Variants in RNF13 observed in about 807,000 individuals in gnomAD.
RNF13 encodes the protein ring finger protein 13.
A neutral mutation model predicts 37.7 loss-of-function variants in RNF13; 19 were observed. The ratio of observed to expected loss-of-function variants is 0.50; its 90% confidence interval spans 0.35 to 0.74. The LOEUF (loss-of-function observed/expected upper bound fraction) is 0.74. Among genes scored for constraint, RNF13 ranks in the 30% least tolerant of loss-of-function variants. RNF13 has a pLI of 0.01. For synonymous variants in RNF13, 144 were observed against 157.8 expected (o/e 0.91, Z 0.65); for missense variants, 375 against 453.0 (o/e 0.83, Z 1.56).
chr3:149,859,449 A>T (rs1723996355), intron 3 of RNF13, among the ~76,000 whole-genome samples: 1 of 152,170 alleles, frequency 6.6e-6, no homozygotes, highest in African/African-American at 2.4e-5. Context: ...TTAGAAAATA[A>T]TTGTTTCATC....
At chr3:149,947,416 T>G (rs1474817550) in intron 8 of RNF13, among the ~76,000 whole-genome samples, 1 of 152,068 alleles carries the variant, frequency 6.6e-6, no homozygotes, top group Admixed American at 6.5e-5. Flanking sequence ...TCTTTTTTTT[T>G]TTTTTAAAGG....
intron 1 of RNF13, among the ~76,000 whole-genome samples, chr3:149,822,146 T>C (rs999195279): frequency 6.6e-6 from 1 of 152,152 alleles, no homozygotes; most frequent in East Asian, 1.9e-4. Flanking sequence ...CAATTCCATA[T>C]GAATTTGAGA....
intron 8 of RNF13, among the ~76,000 whole-genome samples, chr3:149,942,347 A>G (rs1336729613): frequency 1.3e-5 from 2 of 152,138 alleles, no homozygotes; most frequent in African/African-American, 4.8e-5. Context: ...ATATCTTTCC[A>G]TTTATTTCTA....
intron 8 of RNF13, among the ~76,000 whole-genome samples, chr3:149,930,549 G>A (rs1337336191): frequency 6.6e-6 from 1 of 152,156 alleles, no homozygotes; most frequent in African/African-American, 2.4e-5. Context: ...TCTTTGCCTA[G>A]TTGTGAGATT....
intron 7 of RNF13, 81 bp from the exon 8 acceptor site, chr3:149,921,053 A>G (rs1307726309): frequency 1.3e-5 from 6 of 476,868 alleles, no homozygotes; most frequent in African/African-American, 8.0e-5. Flanking sequence ...CCAGAAACTT[A>G]AAAGATATTT....
intron 7 of RNF13, among the ~76,000 whole-genome samples, chr3:149,920,610 TA>T (rs1244327117): frequency 1.3e-5 from 2 of 152,188 alleles, no homozygotes; most frequent in Non-Finnish European, 2.9e-5. Context: ...ACTTTCTTTT[TA>T]TTCTTGCAAG....
At chr3:149,836,611 A>G (rs542246153) in intron 1 of RNF13, among the ~76,000 whole-genome samples, 1 of 152,146 alleles carries the variant, frequency 6.6e-6, no homozygotes, top group East Asian at 1.9e-4. Context: ...GGAAAATGGT[A>G]TGGCAGTTCT....
intron 4 of RNF13, among the ~76,000 whole-genome samples, chr3:149,886,575 A>G (rs775672155): frequency 5.9e-5 from 9 of 152,116 alleles, no homozygotes; most frequent in Non-Finnish European, 1.3e-4. Context: ...TTCTTTTCCA[A>G]TCTGGAAGCA....
At chr3:149,841,931 G>A (rs971443167) in intron 1 of RNF13, among the ~76,000 whole-genome samples, 2 of 152,052 alleles carry the variant, frequency 1.3e-5, no homozygotes, top group African/African-American at 2.4e-5. Flanking sequence ...CACTCGGCCT[G>A]GGCAGATTCT....
chr3:149,869,401 C>G (rs1037532214), intron 3 of RNF13, among the ~76,000 whole-genome samples: 1 of 151,390 alleles, frequency 6.6e-6, no homozygotes, highest in African/African-American at 2.4e-5. Flanking sequence ...GTCAGGAGAT[C>G]GAGACCATCC....
intron 3 of RNF13, among the ~76,000 whole-genome samples, chr3:149,863,412 C>T (rs958477519): frequency 6.6e-6 from 1 of 152,120 alleles, no homozygotes; most frequent in Admixed American, 6.6e-5. Flanking sequence ...TGGAGACTCG[C>T]TCTGTCATGC....
chr3:149,918,693 G>GTTTT (rs71138423), intron 7 of RNF13, among the ~76,000 whole-genome samples: 1 of 132,394 alleles, frequency 7.6e-6, no homozygotes, highest in African/African-American at 2.8e-5. Flanking sequence ...CCAGCTAATT[G>GTTTT]TTTTTTTTTT....
chr3:149,851,032 G>A (rs1167924332), intron 2 of RNF13: 1 of 152,172 alleles, frequency 6.6e-6, no homozygotes, highest in Non-Finnish European at 1.5e-5. Context: ...AGAATGAATA[G>A]GTTTAGTGAC....
intron 1 of RNF13, among the ~76,000 whole-genome samples, chr3:149,840,359 C>T (rs1017261232): frequency 2.0e-5 from 3 of 151,990 alleles, no homozygotes; most frequent in African/African-American, 7.2e-5. Context: ...AGAAGTGTGA[C>T]TTTTTTTATT....
chr3:149,911,038 T>G (rs968966684), intron 6 of RNF13, among the ~76,000 whole-genome samples: 1 of 152,172 alleles, frequency 6.6e-6, no homozygotes. Flanking sequence ...ATTTCTGTAG[T>G]TTTTTTCAGT....
chr3:149,877,479 T>C (rs1373959097), intron 4 of RNF13, among the ~76,000 whole-genome samples: 1 of 149,960 alleles, frequency 6.7e-6, no homozygotes, highest in Non-Finnish European at 1.5e-5. Context: ...TGTCTTTTTT[T>C]TTTTTTTTTT....
At chr3:149,938,213 TG>T (rs1719896042) in intron 8 of RNF13, among the ~76,000 whole-genome samples, 1 of 152,010 alleles carries the variant, frequency 6.6e-6, no homozygotes, top group Non-Finnish European at 1.5e-5. Flanking sequence ...AGTCTCGCTC[TG>T]TTGCCCAGGC....
intron 6 of RNF13, among the ~76,000 whole-genome samples, chr3:149,906,645 C>CTTTTTTTTTTTTTTTTTTTTTTTTTT (rs35801459): frequency 1.3e-5 from 1 of 79,154 alleles, no homozygotes; most frequent in African/African-American, 5.0e-5. Flanking sequence ...TTCAATTCTG[C>CTTTTTTTTTTTTTTTTTTTTTTTTTT]TTTTTTTTTT....
At chr3:149,857,167 A>C (rs1029141477) in intron 3 of RNF13, among the ~76,000 whole-genome samples, 1 of 152,224 alleles carries the variant, frequency 6.6e-6, no homozygotes, top group African/African-American at 2.4e-5. Flanking sequence ...AGAATCATTT[A>C]TAAGACTTCA....
Sources: gnomAD v4.1 joint callset for allele counts (sites outside exome capture counted in the v4.1 genomes callset) on GRCh38, gnomAD v4.1.1 for gene constraint, MANE v1.5 for transcripts, NCBI Gene and HGNC (gene_info 2026-07-23, HGNC 2026-07-21) for gene names.